Variants in DTNB observed in about 807,000 individuals in gnomAD.
DTNB encodes the protein dystrobrevin beta.
A neutral mutation model predicts 90.7 loss-of-function variants in DTNB; 63 were observed. The observed-to-expected ratio is 0.69, with a 90% confidence interval of 0.57 to 0.86. The LOEUF (loss-of-function observed/expected upper bound fraction) is 0.86, where lower values mean the gene tolerates loss of function less well. DTNB is among the 40% of genes least tolerant of loss of function. The probability of loss-of-function intolerance (pLI) is 0.00; values close to 1 mark genes in which losing one functional copy is unlikely to be tolerated. For synonymous variants in DTNB, 277 were observed against 286.7 expected (o/e 0.97, Z 0.34); for missense variants, 744 against 807.1 (o/e 0.92, Z 0.95).
intron 8 of DTNB, among the ~76,000 whole-genome samples, chr2:25,564,473 C>T (rs2151223914): frequency 6.6e-6 from 1 of 152,170 alleles, no homozygotes; most frequent in African/African-American, 2.4e-5. Context: ...CTCCACCTTC[C>T]AGGTTCAAGC....
chr2:25,493,388 T>C (rs1050899566), intron 9 of DTNB, among the ~76,000 whole-genome samples: 2 of 152,192 alleles, frequency 1.3e-5, no homozygotes, highest in Admixed American at 1.3e-4. Context: ...CAGACCTTTT[T>C]CTTCTTTTAA....
intron 8 of DTNB, among the ~76,000 whole-genome samples, chr2:25,535,737 C>T (rs1419188452): frequency 7.1e-6 from 1 of 140,758 alleles, no homozygotes; most frequent in Non-Finnish European, 1.5e-5. Flanking sequence ...GGCTGCCGGG[C>T]AGAGGCGCTC....
intron 6 of DTNB, among the ~76,000 whole-genome samples, chr2:25,590,488 G>C (rs998054460): frequency 3.3e-5 from 5 of 151,952 alleles, no homozygotes. Context: ...GGAGACTCTG[G>C]AGTGGGTAGC....
intron 2 of DTNB, among the ~76,000 whole-genome samples, chr2:25,645,928 T>C (rs980248524): frequency 6.6e-6 from 1 of 152,038 alleles, no homozygotes; most frequent in African/African-American, 2.4e-5. Flanking sequence ...AACAATGGGA[T>C]GGAAGGAAGA....
intron 5 of DTNB, among the ~76,000 whole-genome samples, chr2:25,602,760 AC>A (rs542317266): frequency 6.6e-6 from 1 of 152,096 alleles, no homozygotes; most frequent in Non-Finnish European, 1.5e-5. Context: ...CCAGAGAAAA[AC>A]CCCTGTTATT....
intron 9 of DTNB, among the ~76,000 whole-genome samples, chr2:25,521,119 C>T (rs758404872): frequency 3.3e-5 from 5 of 152,016 alleles, no homozygotes; most frequent in South Asian, 2.1e-4. Context: ...TTCACCGCTG[C>T]GTGAAAAAAC....
rs938119114 is a variant in DTNB at position 25,665,123 on chromosome 2, G to C, written c.-2+8263C>G. Reference sequence around the variant, plus strand: ...TCCCACAGTAAAGACTAAAGGAAAAGGAGAGAAGGCTTTGGAAGTGTCTCC... The same window carrying C: ...TCCCACAGTAAAGACTAAAGGAAAACGAGAGAAGGCTTTGGAAGTGTCTCC... On this transcript the variant is annotated intron_variant, in intron 1 of 20. Coordinates refer to ENST00000406818, the MANE Select transcript of DTNB (RefSeq NM_021907.5). Among the ~76,000 whole-genome samples the C allele has an allele frequency of 6.6e-5, 10 of 152,328 alleles. No homozygotes were observed. The South Asian group carries it at 1.5e-3, about 22-fold the overall frequency.
chr2:25,416,393 C>T (rs1056645461), intron 16 of DTNB, among the ~76,000 whole-genome samples: 34 of 152,272 alleles, frequency 2.2e-4, no homozygotes, highest in Non-Finnish European at 2.9e-4. Context: ...AAATTTTGGC[C>T]GGGCGTGATG....
At chr2:25,531,906 T>C (rs2078276332) in intron 8 of DTNB, among the ~76,000 whole-genome samples, 1 of 152,168 alleles carries the variant, frequency 6.6e-6, no homozygotes, top group African/African-American at 2.4e-5. Flanking sequence ...TGCTTCTGGA[T>C]CCTTTTTGCT....
Position 25,598,428 on chromosome 2 carries a change from C to T in DTNB, c.449-2188G>A, listed in dbSNP as rs143997282. 2.4e-3 allele frequency among the ~76,000 whole-genome samples: 364 copies of T among 152,244 alleles called. 3 individuals carry two copies. The highest frequency in any genetic ancestry group is 0.019 in the Admixed American group (288 of 15,278). ...GAAAATTAAACCTCAACTTTGTTTA[C>T]GATACTGTTATTCCGGGTTTTTGCT... is the stretch of plus-strand genomic sequence containing the variant. On this transcript the variant is annotated intron_variant, in intron 5 of 20. Transcript: ENST00000406818.
intron 1 of DTNB, among the ~76,000 whole-genome samples, chr2:25,670,408 T>C (rs1321957247): frequency 6.6e-6 from 1 of 152,126 alleles, no homozygotes; most frequent in Non-Finnish European, 1.5e-5. Context: ...GTTCCCTATA[T>C]ATACATGAAA....
At chr2:25,396,776 T>C (rs1029646362) in intron 16 of DTNB, among the ~76,000 whole-genome samples, 8 of 151,066 alleles carry the variant, frequency 5.3e-5, no homozygotes, top group Non-Finnish European at 8.8e-5. Flanking sequence ...GGGATAGCTC[T>C]TGTGACCATT....
chr2:25,461,214 C>T (rs2060900671), intron 10 of DTNB, among the ~76,000 whole-genome samples: 1 of 152,156 alleles, frequency 6.6e-6, no homozygotes, highest in Admixed American at 6.5e-5. Context: ...TATAGGAAGA[C>T]TTCTATTCAG....
chr2:25,660,337 T>C (rs2082904292), intron 1 of DTNB, among the ~76,000 whole-genome samples: 1 of 150,260 alleles, frequency 6.7e-6, no homozygotes, highest in Admixed American at 6.6e-5. Flanking sequence ...GAAGACCATG[T>C]ATTATATGAT....
chr2:25,565,752 T>A (rs1441075991), intron 8 of DTNB, among the ~76,000 whole-genome samples: 1 of 152,220 alleles, frequency 6.6e-6, no homozygotes, highest in Non-Finnish European at 1.5e-5. Flanking sequence ...CTTTTGCATT[T>A]CAGGGGTAAT....
intron 8 of DTNB, among the ~76,000 whole-genome samples, chr2:25,561,545 C>T (rs1306199444): frequency 3.3e-5 from 5 of 152,092 alleles, no homozygotes; most frequent in Non-Finnish European, 7.4e-5. Flanking sequence ...AATGTGATTC[C>T]CAGTGTTAGA....
intron 10 of DTNB, among the ~76,000 whole-genome samples, chr2:25,477,402 T>C (rs942121582): frequency 1.3e-5 from 2 of 152,242 alleles, no homozygotes; most frequent in Admixed American, 6.5e-5. Flanking sequence ...ATAATATTTA[T>C]ACTGTGGCAT....
At chr2:25,422,880 C>T (rs1056384213) in intron 15 of DTNB, among the ~76,000 whole-genome samples, 3 of 152,114 alleles carry the variant, frequency 2.0e-5, no homozygotes, top group Non-Finnish European at 4.4e-5. Context: ...AACATGAATG[C>T]CTGAGTGTCA....
intron 8 of DTNB, among the ~76,000 whole-genome samples, chr2:25,554,964 G>A (rs1350563380): frequency 1.3e-5 from 2 of 152,100 alleles, no homozygotes; most frequent in South Asian, 2.1e-4. Flanking sequence ...GATATGGAGA[G>A]CTTCAAATTT....
Sources: allele counts gnomAD v4.1 joint callset (sites outside exome capture counted in the v4.1 genomes callset), GRCh38; gene constraint gnomAD v4.1.1; transcripts MANE v1.5; gene names NCBI Gene and HGNC (gene_info 2026-07-23, HGNC 2026-07-21).